PRLR: variants seen among roughly 807,000 people sequenced by gnomAD.
The protein encoded by PRLR is hPRL receptor.
PRLR carries 13 observed loss-of-function variants against 40.2 expected under a neutral mutation model. That is an observed-to-expected ratio of 0.32 (90% CI 0.21 to 0.51). PRLR has a LOEUF of 0.51. PRLR is among the 20% of genes least tolerant of loss of function. The pLI is 0.97. For missense variants in PRLR, 656 were observed against 747.3 expected (o/e 0.88, Z 1.42); for synonymous variants, 269 against 278.7 (o/e 0.97, Z 0.35).
At chr5:35,168,502 G>C (rs1172560306) in intron 1 of PRLR, among the ~76,000 whole-genome samples, 4 of 151,990 alleles carry the variant, frequency 2.6e-5, no homozygotes, top group Middle Eastern at 3.4e-3. Flanking sequence ...TACAGAACAT[G>C]CATTCTGACC....
chr5:35,075,417 A>G (rs576369566), intron 5 of PRLR, among the ~76,000 whole-genome samples: 3 of 152,340 alleles, frequency 2.0e-5, no homozygotes, highest in Middle Eastern at 3.4e-3. Flanking sequence ...GAGGGTCCCA[A>G]GCCCATGGAG....
At chr5:35,049,015 C>T in exon 9 of PRLR, 1 of 503,962 alleles carries the variant, frequency 2.0e-6, no homozygotes, top group Non-Finnish European at 3.8e-6. Context: ...TCCAAATGCC[C>T]ATAGGAGGTG....
intron 1 of PRLR, among the ~76,000 whole-genome samples, chr5:35,158,525 C>A (rs922438217): frequency 1.3e-5 from 2 of 152,082 alleles, no homozygotes; most frequent in Non-Finnish European, 2.9e-5. Context: ...ATTTTCAGAA[C>A]TTCCTTTTGC....
At chr5:35,054,033 A>C (rs533044176), downstream of PRLR, among the ~76,000 whole-genome samples, 1 of 152,376 alleles carries the variant, frequency 6.6e-6, no homozygotes, top group East Asian at 1.9e-4. Flanking sequence ...GATGGCATAA[A>C]AGATAAGCAG....
At chr5:35,072,151 G>A (rs1265777758) in intron 6 of PRLR, among the ~76,000 whole-genome samples, 5 of 152,106 alleles carry the variant, frequency 3.3e-5, no homozygotes, top group Non-Finnish European at 7.4e-5. Flanking sequence ...ACCTGTCTCG[G>A]CCTCCCAAAG....
chr5:35,194,866 C>A (rs562934380), intron 1 of PRLR, among the ~76,000 whole-genome samples: 1 of 152,212 alleles, frequency 6.6e-6, no homozygotes, highest in African/African-American at 2.4e-5. Context: ...CTCATAGAAC[C>A]ATACGACCCA....
chr5:35,118,154 A>T lies in PRLR; in HGVS notation c.-105-32T>A, dbSNP rs1279307097. On this transcript the variant is annotated intron_variant, in intron 1 of 9. Transcript: ENST00000618457. ...GAGGAAATGATTCATTTTAGCTCCA[A>T]GATGACAAAACGGGAGATTCCATTT... is the stretch of plus-strand genomic sequence containing the variant. The T allele has an allele frequency of 9.3e-6, 9 of 967,170 alleles. No homozygotes were observed. The African/African-American group carries it at 1.6e-4, about 17-fold the overall frequency. The allele number at this position is 967,170 out of a possible 1,614,324, so 59.9% of individuals were successfully genotyped here.
At chr5:35,220,221 C>T (rs1261768970) in intron 1 of PRLR, among the ~76,000 whole-genome samples, 1 of 152,216 alleles carries the variant, frequency 6.6e-6, no homozygotes, top group Non-Finnish European at 1.5e-5. Flanking sequence ...CAGCCTAACT[C>T]CATCCCATGA....
At chr5:35,163,089 A>G (rs978253455) in intron 1 of PRLR, among the ~76,000 whole-genome samples, 3 of 152,118 alleles carry the variant, frequency 2.0e-5, no homozygotes, top group African/African-American at 7.2e-5. Context: ...CTGCTGGCAG[A>G]GGGGAGGAGT....
chr5:35,106,598 T>A (rs1772270319), intron 2 of PRLR, among the ~76,000 whole-genome samples: 1 of 152,062 alleles, frequency 6.6e-6, no homozygotes, highest in South Asian at 2.1e-4. Flanking sequence ...GAAAACAGAC[T>A]TGAAACCAAC....
chr5:35,068,672 G>T (rs990569370), intron 8 of PRLR, 107 bp downstream of exon 8: 3 of 893,596 alleles, frequency 3.4e-6, no homozygotes, highest in African/African-American at 1.7e-5. Flanking sequence ...ACATCTAATG[G>T]CTAAAATGAG....
chr5:35,225,809 G>A (rs754116735), intron 1 of PRLR, among the ~76,000 whole-genome samples: 27 of 152,142 alleles, frequency 1.8e-4, no homozygotes, highest in Non-Finnish European at 3.1e-4. Flanking sequence ...AGCCTCCCAA[G>A]TAGCTGGGAT....
intron 2 of PRLR, among the ~76,000 whole-genome samples, chr5:35,116,990 G>T (rs190869330): frequency 6.6e-6 from 1 of 152,270 alleles, no homozygotes; most frequent in Non-Finnish European, 1.5e-5. Flanking sequence ...GGGGAGTTTT[G>T]TCCTCCTTGG....
rs137997553 is a variant in PRLR, at chr5:35,145,006, A to T, written c.-105-26884T>A. On this transcript the variant is annotated intron_variant, in intron 1 of 9. Transcript: ENST00000618457. ...ATATTATTTACCAGGGTGGTGAGAC[A>T]AGTAATGAATATATTAGGAGAATGG... Among the ~76,000 whole-genome samples, 625 of 152,312 alleles carry T rather than the reference A, an allele frequency of 4.1e-3. 4 individuals carry two copies. The highest frequency in any genetic ancestry group is 0.015 in the African/African-American group (604 of 41,558).
intron 1 of PRLR, among the ~76,000 whole-genome samples, chr5:35,140,519 T>C (rs1773989881): frequency 6.6e-6 from 1 of 152,232 alleles, no homozygotes; most frequent in African/African-American, 2.4e-5. Flanking sequence ...TGGATTACAA[T>C]TTGAATAATT....
chr5:35,096,674 G>A (rs969416148), intron 2 of PRLR, among the ~76,000 whole-genome samples: 9 of 151,150 alleles, frequency 6.0e-5, no homozygotes, highest in Non-Finnish European at 1.3e-4. Context: ...AGGCAGGAGT[G>A]CAGTGACACG....
Position 35,057,715 on chromosome 5 carries a change from TAAC to T in PRLR, c.*7371_*7373del, listed in dbSNP as rs1431867793. The T allele has an allele frequency of 3.9e-5, 6 of 152,082 alleles. No individual in the cohort carries two copies. Among genetic ancestry groups the T allele is most frequent in the Admixed American group, 2.6e-4 (4 of 15,258 alleles). The allele number at this position is 152,082 out of a possible 1,614,324, so 9.4% of individuals were successfully genotyped here. A position where few individuals can be genotyped will look rare whatever the true frequency, so the allele number is the denominator to read the frequency against. On this transcript the variant is annotated 3_prime_UTR_variant, in exon 10 of 10. Coordinates refer to ENST00000618457, the MANE Select transcript of PRLR (RefSeq NM_000949.7). Reference sequence around the variant, plus strand: ...GATTTACAGAATGAAAAATGCAAAATAACAAATCAGATAACTATAGTCTTCTAT... The same window carrying T: ...GATTTACAGAATGAAAAATGCAAAATAAATCAGATAACTATAGTCTTCTAT...
chr5:35,053,002 A>C (rs960738177), downstream of PRLR, among the ~76,000 whole-genome samples: 1 of 152,228 alleles, frequency 6.6e-6, no homozygotes, highest in Non-Finnish European at 1.5e-5. Flanking sequence ...TCTCCTATTA[A>C]TTCAACTTTT....
At chr5:35,196,181 C>G (rs1775731455) in intron 1 of PRLR, among the ~76,000 whole-genome samples, 1 of 152,130 alleles carries the variant, frequency 6.6e-6, no homozygotes, top group Non-Finnish European at 1.5e-5. Context: ...CAGTCCTGTA[C>G]TAAACCTGCA....
Sources: gnomAD v4.1 joint callset for allele counts (sites outside exome capture counted in the v4.1 genomes callset) on GRCh38, gnomAD v4.1.1 for gene constraint, MANE v1.5 for transcripts, NCBI Gene and HGNC (gene_info 2026-07-23, HGNC 2026-07-21) for gene names.